The following DENND4A variants were observed in gnomAD, a reference collection of about 807,000 sequenced individuals.
The protein encoded by DENND4A is DENN domain containing 4A.
In DENND4A, 70 loss-of-function variants were observed where a neutral mutation model predicts 199.3. The observed-to-expected ratio is 0.35, with a 90% CI of 0.29 to 0.43. The LOEUF (loss-of-function observed/expected upper bound fraction) is 0.43, where lower values mean the gene tolerates loss of function less well. Among genes scored for constraint, DENND4A ranks in the 20% least tolerant of loss-of-function variants. The pLI, the probability that DENND4A is intolerant of heterozygous loss-of-function variation, is 1.00. For synonymous variants in DENND4A, 686 were observed against 766.9 expected (o/e 0.89, Z 1.74); for missense variants, 1,723 against 2,255.8 (o/e 0.76, Z 4.78).
intron 14 of DENND4A, among the ~76,000 whole-genome samples, chr15:65,706,507 TA>T (rs140108989): frequency 0.012 from 1,547 of 126,900 alleles, 46 homozygotes; most frequent in African/African-American, 0.03. Flanking sequence ...TATATATATA[TA>T]TTTTTTTTTG....
At chr15:65,726,892 G>A (rs1414099128) in intron 11 of DENND4A, among the ~76,000 whole-genome samples, 2 of 151,792 alleles carry the variant, frequency 1.3e-5, no homozygotes, top group African/African-American at 2.4e-5. Flanking sequence ...GAAGGAAGAG[G>A]TTGCAGTGAG....
intron 1 of DENND4A, among the ~76,000 whole-genome samples, chr15:65,767,945 A>G (rs1299862989): frequency 4.6e-5 from 7 of 152,224 alleles, no homozygotes; most frequent in Admixed American, 6.5e-5. Flanking sequence ...TCACAAAAGT[A>G]TACCATGAAA....
chr15:65,706,589 C>T (rs1387986077), intron 14 of DENND4A, among the ~76,000 whole-genome samples: 7 of 151,908 alleles, frequency 4.6e-5, no homozygotes, highest in Non-Finnish European at 7.4e-5. Flanking sequence ...CTCTGCCTCC[C>T]GGTTCAAGTG....
In DENND4A at chr15:65,660,308, G is replaced by A. The variant is rs529757015; in HGVS notation, c.*1543C>T. The A allele has an allele frequency of 6.5e-7, 1 of 1,535,142 alleles. No homozygotes were observed. Among genetic ancestry groups the A allele is most frequent in the South Asian group, 1.2e-5 (1 of 84,026 alleles). On this transcript the variant is annotated 3_prime_UTR_variant, in exon 33 of 33. Coordinates refer to ENST00000443035, the MANE Select transcript of DENND4A (RefSeq NM_001320835.1). ...GGAAGCTGTGAAATGTTTCAGCATGGTGCTATTCACTAATGGTGTGAACTC... is the reference window on the plus strand; with the variant it reads ...GGAAGCTGTGAAATGTTTCAGCATGATGCTATTCACTAATGGTGTGAACTC...
chr15:65,671,715 C>T (rs574491824), intron 25 of DENND4A, 77 bp downstream of exon 25: 887 of 1,045,086 alleles, frequency 8.5e-4, no homozygotes, highest in Non-Finnish European at 1.2e-3. Flanking sequence ...TATTACTCTA[C>T]CTGGGACCAC....
rs761356064 is a variant in DENND4A, at chr15:65,676,606, G to T, written c.4208C>A (p.Ser1403Tyr). 1 of 1,612,850 alleles carries T rather than the reference G, an allele frequency of 6.2e-7. No individual in the cohort carries two copies. The highest frequency in any genetic ancestry group is 1.7e-5 in the Admixed American group (1 of 59,892). ...KDQSSDRTSL[S>Y]SVGAQDSEST... ...TTCAGAATCCTGGGCTCCCACTGAA[G>T]AAAGACTGGTACGATCAGAACTTTG... The change falls in exon 24 of 33, where the codon TCT (serine) becomes TAT (tyrosine). Residue 1403 changes from serine to tyrosine, a missense_variant. Ser to Tyr is a moderately radical substitution (Grantham distance 144). This residue lies in a region of DENND4A where 650 missense variants were observed against 738.1 expected (regional missense o/e 0.88). Transcript: ENST00000443035.
At chr15:65,665,807 GT>G (rs2076017084) in intron 29 of DENND4A, among the ~76,000 whole-genome samples, 1 of 152,156 alleles carries the variant, frequency 6.6e-6, no homozygotes, top group Non-Finnish European at 1.5e-5. Context: ...ATAACGCTGA[GT>G]TCACATCTTT....
At chr15:65,727,072 G>C (rs954705365) in intron 11 of DENND4A, among the ~76,000 whole-genome samples, 1 of 152,082 alleles carries the variant, frequency 6.6e-6, no homozygotes, top group African/African-American at 2.4e-5. Flanking sequence ...CCAATGCTTT[G>C]AGATGCCAAG....
At chr15:65,775,502 G>A (rs561518067) in intron 1 of DENND4A, among the ~76,000 whole-genome samples, 3 of 151,366 alleles carry the variant, frequency 2.0e-5, no homozygotes, top group South Asian at 4.2e-4. Context: ...TTAGCCGGGT[G>A]TGGTGATGCA....
intron 14 of DENND4A, among the ~76,000 whole-genome samples, chr15:65,713,230 C>A (rs1021272718): frequency 6.6e-6 from 1 of 152,094 alleles, no homozygotes; most frequent in Non-Finnish European, 1.5e-5. Context: ...AGACAAGTTT[C>A]TTCTCCATTT....
chr15:65,729,545 C>T lies in DENND4A; in HGVS notation c.1300G>A (p.Ala434Thr). 6.2e-7 allele frequency: 1 copy of T among 1,608,596 alleles called. No homozygotes were observed. Reference protein sequence around the residue: ...RPSVLTSVTEALVSMIFPFHW... With the variant: ...RPSVLTSVTETLVSMIFPFHW... ...ACTGTGATACTCACAGACACTAATG[C>T]TTCTGTCACACTAGTAAGCACGGAT... is the stretch of plus-strand genomic sequence containing the variant. The change falls in exon 10 of 33, where the codon GCA becomes ACA. Residue 434 changes from alanine (A) to threonine (T), a missense_variant. Ala to Thr is a moderately conservative substitution (Grantham distance 58). Transcript: ENST00000443035.
At chr15:65,711,782 T>C (rs2075259314) in intron 14 of DENND4A, among the ~76,000 whole-genome samples, 1 of 152,140 alleles carries the variant, frequency 6.6e-6, no homozygotes, top group Non-Finnish European at 1.5e-5. Flanking sequence ...TCTTAAAAAG[T>C]GGTTAGCATA....
At chr15:65,673,592 C>T (rs923510806) in intron 24 of DENND4A, among the ~76,000 whole-genome samples, 1 of 143,682 alleles carries the variant, frequency 7.0e-6, no homozygotes, top group East Asian at 2.0e-4. Context: ...ATGATCCAGA[C>T]TAAAGACTTG....
intron 15 of DENND4A, 108 bp downstream of exon 15, chr15:65,705,983 G>T: frequency 3.7e-6 from 5 of 1,357,608 alleles, no homozygotes; most frequent in Middle Eastern, 2.0e-4. Flanking sequence ...AAAAATTAGG[G>T]ATCTGTAAAG....
intron 23 of DENND4A, among the ~76,000 whole-genome samples, chr15:65,679,287 G>A (rs2076491337): frequency 6.6e-6 from 1 of 151,644 alleles, no homozygotes; most frequent in Non-Finnish European, 1.5e-5. Flanking sequence ...ATTTTTAGTA[G>A]AGATGAGGTT....
rs576106562 is a variant in DENND4A at position 65,696,525 on chromosome 15, T to A, written c.2951-28A>T. The A allele has an allele frequency of 5.9e-5, 93 of 1,566,850 alleles. 2 individuals are homozygous for A. In the South Asian group the frequency reaches 1.0e-3, roughly 17 times the overall value. On this transcript the variant is annotated intron_variant, in intron 21 of 32. Transcript: ENST00000443035. ...GTAAAGATGAAAATGAAAATGTTAA[T>A]AAAATGAAATCTATATACACTGTAG...
At chr15:65,695,891 G>A (rs1351595883) in intron 22 of DENND4A, among the ~76,000 whole-genome samples, 1 of 151,808 alleles carries the variant, frequency 6.6e-6, no homozygotes, top group African/African-American at 2.4e-5. Flanking sequence ...TTTGATACAA[G>A]CATTTCTATG....
At chr15:65,686,390 CTGAGA>C (rs2142028243) in intron 23 of DENND4A, among the ~76,000 whole-genome samples, 1 of 152,236 alleles carries the variant, frequency 6.6e-6, no homozygotes, top group East Asian at 1.9e-4. Context: ...GATTGTGTTG[CTGAGA>C]TTTGTCTTGA....
chr15:65,761,690 A>AG (rs35609658), intron 1 of DENND4A, among the ~76,000 whole-genome samples: 29,849 of 151,862 alleles, frequency 0.2, 3,933 homozygotes, highest in East Asian at 0.72. Flanking sequence ...CTAGCAGATA[A>AG]GGGGGAAAAA....
Sources: gnomAD v4.1 joint callset for allele counts (sites outside exome capture counted in the v4.1 genomes callset) on GRCh38, gnomAD v4.1.1 for gene constraint, gnomAD v4.1.1 regional missense constraint, MANE v1.5 for transcripts, NCBI Gene and HGNC (gene_info 2026-07-23, HGNC 2026-07-21) for gene names.